The following TFEC variants were observed in gnomAD, a reference collection of about 807,000 sequenced individuals.
The protein encoded by TFEC is transcription factor EC.
TFEC carries 31 observed loss-of-function variants against 41.6 expected under a neutral mutation model. The ratio of observed to expected loss-of-function variants is 0.74; its 90% CI spans 0.56 to 1.01. The LOEUF is 1.01. Ranked by LOEUF, TFEC falls within the 50% of genes least tolerant of loss-of-function variation. The probability of loss-of-function intolerance (pLI) is 0.00; values close to 1 mark genes in which losing one functional copy is unlikely to be tolerated. For synonymous variants in TFEC, 143 were observed against 140.6 expected, an observed-to-expected ratio of 1.02 and a Z score of -0.12; for missense variants, 402 against 404.1, an observed-to-expected ratio of 0.99 and a Z score of 0.04.
chr7:115,977,114 T>C (rs1793417620), intron 2 of TFEC, among the ~76,000 whole-genome samples: 1 of 152,094 alleles, frequency 6.6e-6, no homozygotes, highest in African/African-American at 2.4e-5. Context: ...TCACAACTTC[T>C]AAGTATCTCC....
chr7:116,003,754 C>A (rs912740446), intron 1 of TFEC, among the ~76,000 whole-genome samples: 1 of 151,954 alleles, frequency 6.6e-6, no homozygotes, highest in Non-Finnish European at 1.5e-5. Context: ...AGACACTATA[C>A]AAATTAAATT....
At chr7:116,027,668 G>T (rs2130878850) in intron 1 of TFEC, among the ~76,000 whole-genome samples, 1 of 152,146 alleles carries the variant, frequency 6.6e-6, no homozygotes, top group Admixed American at 6.5e-5. Context: ...GCTGAGCATT[G>T]GAAACATGTT....
At chr7:116,022,744 T>C (rs1795445669) in intron 1 of TFEC, among the ~76,000 whole-genome samples, 1 of 152,180 alleles carries the variant, frequency 6.6e-6, no homozygotes, top group Non-Finnish European at 1.5e-5. Context: ...TTTGCTTTAA[T>C]TAATAGTTTT....
intron 3 of TFEC, among the ~76,000 whole-genome samples, chr7:116,079,248 C>A (rs1797032551): frequency 6.6e-6 from 1 of 151,980 alleles, no homozygotes; most frequent in Admixed American, 6.6e-5. Flanking sequence ...AAATGAAAAG[C>A]ATTCCCCCTG....
chr7:115,951,921 A>G (rs184147765), intron 5 of TFEC, among the ~76,000 whole-genome samples: 2 of 152,196 alleles, frequency 1.3e-5, no homozygotes, highest in Admixed American at 1.3e-4. Context: ...ATCAAGAACC[A>G]TAACATATAC....
At chr7:116,018,178 T>C (rs888314284) in intron 1 of TFEC, among the ~76,000 whole-genome samples, 4 of 152,180 alleles carry the variant, frequency 2.6e-5, no homozygotes, top group Non-Finnish European at 5.9e-5. Flanking sequence ...ACTATTACTA[T>C]CCTGGTTCAG....
chr7:116,097,964 A>C (rs1188246650), intron 3 of TFEC, among the ~76,000 whole-genome samples: 1 of 152,192 alleles, frequency 6.6e-6, no homozygotes, highest in Non-Finnish European at 1.5e-5. Context: ...ACAAACAATA[A>C]ATACATAAAC....
At chr7:116,001,368 G>A (rs546105128) in intron 1 of TFEC, among the ~76,000 whole-genome samples, 28 of 151,928 alleles carry the variant, frequency 1.8e-4, no homozygotes, top group Admixed American at 3.3e-4. Flanking sequence ...GGCAGTGTGC[G>A]CCTGTAGTGC....
chr7:115,974,013 CTT>C (rs1002968280), intron 3 of TFEC, among the ~76,000 whole-genome samples, 155 bp downstream of exon 3: 1 of 151,892 alleles, frequency 6.6e-6, no homozygotes, highest in Non-Finnish European at 1.5e-5. Flanking sequence ...ATTAGATAAC[CTT>C]TTTTTCTGCA....
At chr7:116,052,722 C>G (rs899812442) in intron 3 of TFEC, among the ~76,000 whole-genome samples, 2 of 151,510 alleles carry the variant, frequency 1.3e-5, no homozygotes, top group Non-Finnish European at 2.9e-5. Flanking sequence ...CCACCGTGCC[C>G]AGCAACATCT....
At chr7:115,995,136 G>A (rs1285492001) in intron 1 of TFEC, among the ~76,000 whole-genome samples, 2 of 145,066 alleles carry the variant, frequency 1.4e-5, no homozygotes, top group Non-Finnish European at 3.0e-5. Flanking sequence ...TCATAAGTGG[G>A]AATTGAACAA....
At chr7:116,129,417 T>C (rs1798283870) in intron 1 of TFEC, among the ~76,000 whole-genome samples, 1 of 151,844 alleles carries the variant, frequency 6.6e-6, no homozygotes, top group Non-Finnish European at 1.5e-5. Flanking sequence ...AATGTTAAGA[T>C]GTCACCTTTT....
chr7:115,989,556 C>T (rs1794013162), intron 1 of TFEC, among the ~76,000 whole-genome samples: 1 of 152,176 alleles, frequency 6.6e-6, no homozygotes, highest in South Asian at 2.1e-4. Flanking sequence ...TAATACTGCG[C>T]TTTTCCAGAG....
intron 1 of TFEC, among the ~76,000 whole-genome samples, chr7:116,029,506 CTTA>C (rs1584722996): frequency 6.6e-6 from 1 of 152,124 alleles, no homozygotes; most frequent in African/African-American, 2.4e-5. Context: ...ATTTTACACT[CTTA>C]TAGTTAAATG....
At chr7:115,956,887 G>T in intron 3 of TFEC, 94 bp from the exon 4 acceptor site, 1 of 687,472 alleles carries the variant, frequency 1.5e-6, no homozygotes, top group Non-Finnish European at 2.1e-6. Context: ...TTTAAATGTG[G>T]CATTTTGTTA....
intron 1 of TFEC, among the ~76,000 whole-genome samples, chr7:116,133,715 A>G (rs1010152971): frequency 2.6e-5 from 4 of 152,194 alleles, no homozygotes; most frequent in Non-Finnish European, 5.9e-5. Flanking sequence ...AAGAAAAAGA[A>G]AATTTACCTC....
chr7:115,941,129 A>C, intron 7 of TFEC, 198 bp from the exon 8 acceptor site: 1 of 575,912 alleles, frequency 1.7e-6, no homozygotes, highest in Non-Finnish European at 2.9e-6. Context: ...AAAATTACTC[A>C]GACTTTTTTT....
Position 116,107,553 on chromosome 7 carries a change from G to A in TFEC, c.198+3155C>T, listed in dbSNP as rs563629360. ...ACAAAGACAATATGCAGAGAGCACA[G>A]ATGAGACCTAGAGCTGTTCCTAGTG... is the stretch of plus-strand genomic sequence containing the variant. On this transcript the variant is annotated intron_variant, in intron 3 of 8. Transcript: ENST00000484212. Among the ~76,000 whole-genome samples the A allele has an allele frequency of 9.8e-5, 15 of 152,306 alleles. No individual in the cohort carries two copies. In the East Asian group the frequency reaches 2.9e-3, roughly 29 times the overall value.
intron 3 of TFEC, among the ~76,000 whole-genome samples, chr7:116,063,973 C>G (rs1335757518): frequency 6.6e-6 from 1 of 151,780 alleles, no homozygotes; most frequent in Non-Finnish European, 1.5e-5. Context: ...GTGAAATAAG[C>G]CAGGAACAAA....
Sources: allele counts gnomAD v4.1 joint callset (sites outside exome capture counted in the v4.1 genomes callset), GRCh38; gene constraint gnomAD v4.1.1; transcripts MANE v1.5; gene names NCBI Gene and HGNC (gene_info 2026-07-23, HGNC 2026-07-21).